SENP1: variants seen among roughly 807,000 people sequenced by gnomAD.
The protein encoded by SENP1 is SUMO specific peptidase 1, also known as sentrin-specific protease 1.
SENP1 carries 21 observed loss-of-function variants against 93.0 expected under a neutral mutation model. The ratio of observed to expected loss-of-function variants is 0.23; its 90% confidence interval spans 0.16 to 0.33. The LOEUF (loss-of-function observed/expected upper bound fraction) is 0.33, where lower values mean the gene tolerates loss of function less well. SENP1 is among the 10% of genes least tolerant of loss of function. SENP1 has a pLI of 1.00. For missense variants in SENP1, 591 were observed against 758.7 expected (o/e 0.78, Z 2.60); for synonymous variants, 256 against 259.6 (o/e 0.99, Z 0.13).
At chr12:48,081,227 A>AC (rs1170556762) in intron 6 of SENP1, 1 of 151,996 alleles carries the variant, frequency 6.6e-6, no homozygotes, top group Non-Finnish European at 1.5e-5. Context: ...ATAATCATAA[A>AC]CCCCACAACT....
chr12:48,046,561 C>G, intron 16 of SENP1, 110 bp from the exon 17 acceptor site: 1 of 790,890 alleles, frequency 1.3e-6, no homozygotes, highest in East Asian at 2.5e-5. Context: ...AAATTACAAA[C>G]AGATGACTCT....
At chr12:48,092,012 T>C (rs1945255280) in intron 4 of SENP1, among the ~76,000 whole-genome samples, 1 of 152,168 alleles carries the variant, frequency 6.6e-6, no homozygotes, top group Admixed American at 6.5e-5. Context: ...TTTAAAATTT[T>C]ATTTTTTAAA....
chr12:48,095,535 C>CAAAAA (rs3054235), intron 4 of SENP1, among the ~76,000 whole-genome samples: 1 of 85,882 alleles, frequency 1.2e-5, no homozygotes, highest in Admixed American at 1.2e-4. Context: ...GACTCTGTGT[C>CAAAAA]AAAAAAAAAA....
At chr12:48,105,953 A>G in intron 1 of SENP1, 75 bp downstream of exon 1, 1 of 694,024 alleles carries the variant, frequency 1.4e-6, no homozygotes, top group South Asian at 1.5e-5. Context: ...GGGCCGGCTG[A>G]CCGGGTCCGA....
chr12:48,077,130 A>T (rs567400036), intron 6 of SENP1, among the ~76,000 whole-genome samples: 2 of 152,212 alleles, frequency 1.3e-5, no homozygotes, highest in South Asian at 4.2e-4. Context: ...CTATGTTTTA[A>T]CAGTTTTGTT....
intron 5 of SENP1, among the ~76,000 whole-genome samples, chr12:48,085,763 T>C (rs1267227559): frequency 6.6e-6 from 1 of 150,922 alleles, no homozygotes; most frequent in Non-Finnish European, 1.5e-5. Context: ...GAGCAAGGAC[T>C]TAGAATTTTA....
chr12:48,086,060 T>G (rs999727165), intron 5 of SENP1, among the ~76,000 whole-genome samples: 4 of 152,204 alleles, frequency 2.6e-5, no homozygotes, highest in Non-Finnish European at 5.9e-5. Flanking sequence ...ACTAGCCAAA[T>G]TTCTGAGAAT....
Position 48,044,842 on chromosome 12 carries a change from GTGTGTGTGTGTGTGTT to G in SENP1, c.*464_*479del, listed in dbSNP as rs1276657582. The G allele has an allele frequency of 6.5e-6, 1 of 153,850 alleles. No individual in the cohort carries two copies. Among genetic ancestry groups the G allele is most frequent in the African/African-American group, 2.4e-5 (1 of 41,318 alleles). The allele number at this position is 153,850 out of a possible 1,614,324, so 9.5% of individuals were successfully genotyped here. A position where few individuals can be genotyped will look rare whatever the true frequency, so the allele number is the denominator to read the frequency against. On this transcript the variant is annotated 3_prime_UTR_variant, in exon 18 of 18. Coordinates refer to ENST00000549518, the MANE Select transcript of SENP1 (RefSeq NM_001267594.2). ...TTCCTGACCATACATCGTGAAAATT[GTGTGTGTGTGTGTGTT>G]TGTGTGTGTGGGTGTGTGTGTATGT... is the stretch of plus-strand genomic sequence containing the variant.
chr12:48,069,888 G>A (rs750443374), intron 9 of SENP1, among the ~76,000 whole-genome samples: 2 of 152,200 alleles, frequency 1.3e-5, no homozygotes, highest in Non-Finnish European at 2.9e-5. Flanking sequence ...GAGCTGCAAA[G>A]AAGTAGGGGA....
chr12:48,088,831 C>G lies in SENP1; in HGVS notation c.350G>C (p.Ser117Thr). ...GGTCTTTCGGGTTTCGAGGTAAAGA[C>G]TTCGGCTGTTTCTTGATTTTTGTAA... ...SSLQKSRNSR[S>T]LYLETRKTSS... Residue 117 changes from serine to threonine, a missense_variant, in exon 5 of 18, where the codon AGT (serine) becomes ACT (threonine). Ser to Thr is a moderately conservative substitution (Grantham distance 58). Around this residue, in one of 4 missense-constraint regions of SENP1, gnomAD observed 214 missense variants for 243.4 expected, o/e 0.88. Coordinates refer to ENST00000549518, the MANE Select transcript of SENP1 (RefSeq NM_001267594.2). The G allele has an allele frequency of 6.2e-7, 1 of 1,609,604 alleles. No homozygotes were observed. The highest frequency in any genetic ancestry group is 8.5e-7 in the Non-Finnish European group (1 of 1,177,840).
At chr12:48,051,262 A>G (rs141702994) in intron 13 of SENP1, among the ~76,000 whole-genome samples, 8 of 152,298 alleles carry the variant, frequency 5.3e-5, no homozygotes, top group Non-Finnish European at 1.2e-4. Flanking sequence ...CAGCTGAACA[A>G]GAACAGAGAA....
chr12:48,092,767 G>A (rs1565802453), intron 4 of SENP1, among the ~76,000 whole-genome samples: 1 of 152,198 alleles, frequency 6.6e-6, no homozygotes, highest in Non-Finnish European at 1.5e-5. Context: ...CTTGTGGTAT[G>A]AGGATAAACA....
chr12:48,101,184 G>C (rs1438453690), intron 2 of SENP1, among the ~76,000 whole-genome samples: 2 of 152,202 alleles, frequency 1.3e-5, no homozygotes, highest in African/African-American at 4.8e-5. Flanking sequence ...TACTTGGGAG[G>C]CTGAGGCAGG....
chr12:48,104,989 T>C (rs1423089566), intron 1 of SENP1: 1 of 166,740 alleles, frequency 6.0e-6, no homozygotes, highest in African/African-American at 2.4e-5. Flanking sequence ...AAAGTTGCGC[T>C]TTAACTGTAA....
chr12:48,100,318 T>C (rs1945840798), intron 2 of SENP1, among the ~76,000 whole-genome samples: 1 of 152,144 alleles, frequency 6.6e-6, no homozygotes, highest in Admixed American at 6.5e-5. Flanking sequence ...TTAGAAGTAG[T>C]ATAACATAGT....
intron 5 of SENP1, among the ~76,000 whole-genome samples, chr12:48,084,238 A>T (rs1333894551): frequency 6.6e-6 from 1 of 152,196 alleles, no homozygotes; most frequent in African/African-American, 2.4e-5. Context: ...CTGAATTTTT[A>T]AATTTCCTTA....
rs7967740 is a variant in SENP1, at chr12:48,056,389, G to T, written c.1408-7257C>A. Reference sequence around the variant, plus strand: ...ATATATTACATATATATTTAATATAGTACATATTACATATATAATTATTTA... The same window carrying T: ...ATATATTACATATATATTTAATATATTACATATTACATATATAATTATTTA... On this transcript the variant is annotated intron_variant, in intron 13 of 17. Coordinates refer to ENST00000549518, the MANE Select transcript of SENP1 (RefSeq NM_001267594.2). Among the ~76,000 whole-genome samples, 22 of 108,390 alleles carry T rather than the reference G, an allele frequency of 2.0e-4. 1 individual carries two copies. The highest frequency in any genetic ancestry group is 0.013 in the Middle Eastern group (1 of 80). The allele number at this position is 108,390 out of a possible 152,430, so 71.1% of individuals were successfully genotyped here. A position where few individuals can be genotyped will look rare whatever the true frequency, so the allele number is the denominator to read the frequency against.
At chr12:48,105,480 T>TA (rs1946458300) in intron 1 of SENP1, 1 of 518,966 alleles carries the variant, frequency 1.9e-6, no homozygotes, top group Admixed American at 1.9e-5. Flanking sequence ...TCCAGACGTT[T>TA]CTTTCTGATG....
chr12:48,067,490 T>C (rs1016051901), intron 9 of SENP1, among the ~76,000 whole-genome samples: 2 of 152,218 alleles, frequency 1.3e-5, no homozygotes, highest in Non-Finnish European at 2.9e-5. Flanking sequence ...CCAAGTGATA[T>C]GCTGAGCAGA....
Sources: allele counts gnomAD v4.1 joint callset (sites outside exome capture counted in the v4.1 genomes callset), GRCh38; gene constraint gnomAD v4.1.1; regional missense constraint gnomAD v4.1.1; transcripts MANE v1.5; gene names NCBI Gene and HGNC (gene_info 2026-07-23, HGNC 2026-07-21).